ALPK3: variants seen among roughly 807,000 people sequenced by gnomAD.
ALPK3 encodes the protein alpha kinase 3.
Under a neutral mutation model 140.0 loss-of-function variants are expected in ALPK3, and 102 were observed. The observed-to-expected ratio is 0.73, with a 90% confidence interval of 0.62 to 0.86. The LOEUF (loss-of-function observed/expected upper bound fraction) is 0.86, where lower values mean the gene tolerates loss of function less well. Ranked by LOEUF, ALPK3 falls within the 40% of genes least tolerant of loss-of-function variation. The pLI, the probability that ALPK3 is intolerant of heterozygous loss-of-function variation, is 0.00. For synonymous variants in ALPK3, 938 were observed against 898.5 expected (o/e 1.04, Z -0.79); for missense variants, 2,254 against 2,208.2 (o/e 1.02, Z -0.42).
chr15:84,825,185 A>AT (rs1200691006), intron 2 of ALPK3, among the ~76,000 whole-genome samples: 3,060 of 150,310 alleles, frequency 0.02, 68 homozygotes, highest in African/African-American at 0.054. Context: ...TTATTTTATT[A>AT]TTATTTTTTT....
chr15:84,844,192 C>T (rs1257979883), intron 5 of ALPK3, among the ~76,000 whole-genome samples: 1 of 152,248 alleles, frequency 6.6e-6, no homozygotes, highest in South Asian at 2.1e-4. Flanking sequence ...TGCACCACTG[C>T]ACTCCAGCCT....
At chr15:84,858,611 A>ACTGCTG in intron 6 of ALPK3, 56 bp downstream of exon 6, 1 of 1,506,074 alleles carries the variant, frequency 6.6e-7, no homozygotes, top group South Asian at 1.3e-5. Flanking sequence ...CAGAAAGCAC[A>ACTGCTG]CTGCTGCTGC....
chr15:84,822,825 C>T (rs939797646), intron 1 of ALPK3, among the ~76,000 whole-genome samples: 1 of 152,222 alleles, frequency 6.6e-6, no homozygotes, highest in East Asian at 1.9e-4. Context: ...AGCTGGTTTG[C>T]CTTGTGTGGC....
At chr15:84,842,514 T>C (rs899311735) in intron 5 of ALPK3, among the ~76,000 whole-genome samples, 1 of 152,056 alleles carries the variant, frequency 6.6e-6, no homozygotes, top group Non-Finnish European at 1.5e-5. Flanking sequence ...AGGTGGTTTC[T>C]CGGAGCAGTG....
intron 5 of ALPK3, among the ~76,000 whole-genome samples, chr15:84,848,011 G>T (rs1435335125): frequency 6.6e-6 from 1 of 150,956 alleles, no homozygotes; most frequent in Non-Finnish European, 1.5e-5. Context: ...GTGGTGAACT[G>T]AGATTGCACC....
chr15:84,817,641 TG>T, intron 1 of ALPK3, 46 bp downstream of exon 1: 1 of 1,460,284 alleles, frequency 6.8e-7, no homozygotes, highest in Non-Finnish European at 9.0e-7. Flanking sequence ...GGCGATGCCC[TG>T]GGATCAGTCC....
Position 84,838,966 on chromosome 15 carries a change from T to G in ALPK3, c.305-14T>G, listed in dbSNP as rs1256324201. 3 of 1,612,184 alleles carry G rather than the reference T, an allele frequency of 1.9e-6. No homozygotes were observed. Among genetic ancestry groups the G allele is most frequent in the Admixed American group, 1.7e-5 (1 of 60,008 alleles). On this transcript the variant is annotated splice_polypyrimidine_tract_variant and intron_variant, in intron 3 of 13. Coordinates refer to ENST00000258888, the MANE Select transcript of ALPK3 (RefSeq NM_020778.5). ...CTGGCCTTGCTGTAACCCAGTCTCCTGCTTCTTTCTCAGGATACCCAGAGC... is the reference window on the plus strand; with the variant it reads ...CTGGCCTTGCTGTAACCCAGTCTCCGGCTTCTTTCTCAGGATACCCAGAGC...
chr15:84,872,861 A>T lies in ALPK3; in HGVS notation c.*4405A>T, dbSNP rs1964090036. On this transcript the variant is annotated 3_prime_UTR_variant, in exon 14 of 14. Transcript: ENST00000258888. ...AGTTTTTCCTTCAAAAATACATTTG[A>T]CTTCCTCTCCATTTAAGGTCTGGAA... 1 of 152,192 alleles carries T rather than the reference A, an allele frequency of 6.6e-6. No homozygotes were observed. Among genetic ancestry groups the T allele is most frequent in the Admixed American group, 6.5e-5 (1 of 15,280 alleles). 9.4% of individuals were successfully genotyped at this position (152,192 alleles called of 1,614,324 possible).
At chr15:84,851,408 G>A (rs1236600264) in intron 5 of ALPK3, among the ~76,000 whole-genome samples, 1 of 152,142 alleles carries the variant, frequency 6.6e-6, no homozygotes, top group Non-Finnish European at 1.5e-5. Flanking sequence ...TCACACAAGG[G>A]TTGATTTCCT....
intron 3 of ALPK3, 116 bp downstream of exon 3, chr15:84,827,721 T>C (rs923242086): frequency 3.6e-6 from 5 of 1,386,026 alleles, no homozygotes; most frequent in Non-Finnish European, 4.9e-6. Flanking sequence ...CTACGTGAGG[T>C]GACATTTACT....
intron 2 of ALPK3, among the ~76,000 whole-genome samples, chr15:84,826,959 T>C (rs1007793051): frequency 1.3e-5 from 2 of 152,188 alleles, no homozygotes; most frequent in African/African-American, 4.8e-5. Flanking sequence ...GGGTCTGCAC[T>C]CACAAATGTA....
chr15:84,848,061 C>CA (rs376508901), intron 5 of ALPK3, among the ~76,000 whole-genome samples: 41,975 of 127,390 alleles, frequency 0.33, 6,139 homozygotes, highest in South Asian at 0.4. Context: ...GACTTGATCT[C>CA]AAAAAAAAAA....
At chr15:84,817,736 A>T in intron 1 of ALPK3, 141 bp downstream of exon 1, 1 of 1,122,016 alleles carries the variant, frequency 8.9e-7, no homozygotes, top group Non-Finnish European at 1.2e-6. Context: ...GGGCCTGGGG[A>T]CATGGCCGGG....
Position 84,840,837 on chromosome 15 carries a change from G to C in ALPK3, c.1558G>C (p.Ala520Pro). ...AQSLGKAPPQ[A>P]SVQVPTPPAR... ...GAGCTTAGGAAAGGCCCCACCTCAG[G>C]CCTCTGTGCAGGTGCCGACGCCCCC... is the stretch of plus-strand genomic sequence containing the variant. The change falls in exon 5 of 14, where the codon GCC becomes CCC. Residue 520 changes from alanine to proline, a missense_variant. Around this residue, in one of 3 missense-constraint regions of ALPK3, gnomAD observed 2,088 missense variants for 2,022.9 expected, o/e 1.03. Transcript: ENST00000258888. 6.2e-7 allele frequency: 1 copy of C among 1,614,204 alleles called. No individual in the cohort carries two copies. The highest frequency in any genetic ancestry group is 8.5e-7 in the Non-Finnish European group (1 of 1,180,022).
intron 3 of ALPK3, 131 bp from the exon 4 acceptor site, chr15:84,838,849 T>C (rs916223670): frequency 5.9e-6 from 4 of 674,916 alleles, no homozygotes; most frequent in Non-Finnish European, 5.2e-6. Flanking sequence ...CTTAAACTCC[T>C]GACCTCAGGT....
At position 84,840,404 on chromosome 15, in the gene ALPK3, A is replaced by G. The variant is rs753944954; in HGVS notation, c.1125A>G (p.Ala375=). The G allele has an allele frequency of 3.1e-6, 5 of 1,613,878 alleles. No individual in the cohort carries two copies. The highest frequency in any genetic ancestry group is 4.2e-6 in the Non-Finnish European group (5 of 1,179,888). ...QVQTQPRGRA[A]RGPGSSGTDS... is the part of the protein sequence containing the mutation. ...AGACCCAGCCCAGAGGCAGGGCTGC[A>G]CGGGGGCCTGGGTCCTCTGGCACAG... The change falls in exon 5 of 14, where the codon GCA becomes GCG. Residue 375 remains alanine, a synonymous_variant. Transcript: ENST00000258888.
At position 84,858,372 on chromosome 15, in the gene ALPK3, AGAC is replaced by A; in HGVS notation, c.3636_3638del (p.Arg1212_Arg1213delinsSer). 1.3e-6 allele frequency: 2 copies of A among 1,554,250 alleles called. No homozygotes were observed. Among genetic ancestry groups the A allele is most frequent in the Non-Finnish European group, 1.7e-6 (2 of 1,150,256 alleles). Reference sequence around the variant, plus strand: ...GTCCCCAGGGACTCCAGGGCGGGAGAGACGCTCCCCTACGCAGGGCAGAAAGGC... The same window carrying A: ...GTCCCCAGGGACTCCAGGGCGGGAGAGCTCCCCTACGCAGGGCAGAAAGGC... On this transcript the variant is annotated inframe_deletion, in exon 6 of 14. Coordinates refer to ENST00000258888, the MANE Select transcript of ALPK3 (RefSeq NM_020778.5).
At chr15:84,824,634 T>G (rs1281224637) in intron 2 of ALPK3, among the ~76,000 whole-genome samples, 2 of 152,154 alleles carry the variant, frequency 1.3e-5, no homozygotes, top group African/African-American at 4.8e-5. Flanking sequence ...TAATTCCAAG[T>G]GGAGTGTGGT....
rs774567371 is a variant in ALPK3, at chr15:84,839,791, C to A, written c.512C>A (p.Thr171Asn). Residue 171 changes from threonine (T) to asparagine (N), a missense_variant, in exon 5 of 14, where the codon ACC becomes AAC. Around this residue, in one of 3 missense-constraint regions of ALPK3, gnomAD observed 2,088 missense variants for 2,022.9 expected, o/e 1.03. Coordinates refer to ENST00000258888, the MANE Select transcript of ALPK3 (RefSeq NM_020778.5). ...VSCSGVLEVG[T>N]MTEYKIHQRW... ...TGCTCAGGGGTCCTGGAGGTGGGCA[C>A]CATGACTGAGTACAAGATCCACCAG... The A allele has an allele frequency of 3.7e-6, 6 of 1,613,988 alleles. No homozygotes were observed. Among genetic ancestry groups the A allele is most frequent in the Admixed American group, 3.3e-5 (2 of 60,008 alleles).
Sources: allele counts gnomAD v4.1 joint callset (sites outside exome capture counted in the v4.1 genomes callset), GRCh38; gene constraint gnomAD v4.1.1; regional missense constraint gnomAD v4.1.1; transcripts MANE v1.5; gene names NCBI Gene and HGNC (gene_info 2026-07-23, HGNC 2026-07-21).